Variants in NFKB1 observed in about 807,000 individuals in gnomAD.
The protein encoded by NFKB1 is nuclear factor NF-kappa-B p105 subunit.
NFKB1 carries 9 observed loss-of-function variants against 105.1 expected under a neutral mutation model. The observed-to-expected ratio is 0.09, with a 90% CI of 0.05 to 0.15. NFKB1 has a LOEUF of 0.15. Among genes scored for constraint, NFKB1 ranks in the 10% least tolerant of loss-of-function variants. The pLI is 1.00. For missense variants in NFKB1, 830 were observed against 1,203.7 expected, an observed-to-expected ratio of 0.69 and a Z score of 4.59; for synonymous variants, 440 against 442.2, an observed-to-expected ratio of 1.00 and a Z score of 0.06.
chr4:102,508,114 T>C (rs543888096), intron 1 of NFKB1, among the ~76,000 whole-genome samples: 1 of 152,360 alleles, frequency 6.6e-6, no homozygotes, highest in South Asian at 2.1e-4. Context: ...TTGAAGAACC[T>C]CTTTGTCTAC....
intron 15 of NFKB1, among the ~76,000 whole-genome samples, chr4:102,599,475 T>C (rs139907773): frequency 1.4e-3 from 214 of 152,336 alleles, no homozygotes; most frequent in African/African-American, 4.8e-3. Context: ...ATCCAGCCTG[T>C]ACCTCGTGTC....
intron 23 of NFKB1, 98 bp from the exon 24 acceptor site, chr4:102,616,336 C>G: frequency 7.4e-7 from 1 of 1,350,456 alleles, no homozygotes; most frequent in Non-Finnish European, 1.0e-6. Context: ...GGATGTGTGG[C>G]TGGCAGAAGC....
At chr4:102,511,813 C>T (rs1040493617) in intron 1 of NFKB1, among the ~76,000 whole-genome samples, 9 of 152,174 alleles carry the variant, frequency 5.9e-5, no homozygotes, top group Non-Finnish European at 1.3e-4. Flanking sequence ...ACACGTTTAA[C>T]CTAGTGGGTG....
chr4:102,551,971 G>C (rs1466775167), intron 5 of NFKB1, among the ~76,000 whole-genome samples: 9 of 152,204 alleles, frequency 5.9e-5, no homozygotes, highest in Admixed American at 5.9e-4. Flanking sequence ...AGAGATCTAG[G>C]AGTTTTAGTT....
In NFKB1 at chr4:102,536,131, A is replaced by G. The variant is rs530039626; in HGVS notation, c.160-1727A>G. On this transcript the variant is annotated intron_variant, in intron 4 of 23. Transcript: ENST00000226574. Reference sequence around the variant, plus strand: ...TTATGGTTAGCTAATTCTGCAGGCTATTATACATGTGTTGTTTTTTTCATG... The same window carrying G: ...TTATGGTTAGCTAATTCTGCAGGCTGTTATACATGTGTTGTTTTTTTCATG... Among the ~76,000 whole-genome samples the G allele has an allele frequency of 2.9e-4, 44 of 152,288 alleles. No individual in the cohort carries two copies. In the South Asian group the frequency reaches 6.4e-3, roughly 22 times the overall value.
intron 1 of NFKB1, 68 bp from the exon 2 acceptor site, chr4:102,525,444 C>T: frequency 6.9e-7 from 1 of 1,451,484 alleles, no homozygotes; most frequent in Non-Finnish European, 9.6e-7. Flanking sequence ...GCATGAATTC[C>T]ATGGTGATAG....
At chr4:102,599,311 A>T (rs924428552) in intron 15 of NFKB1, among the ~76,000 whole-genome samples, 1 of 152,188 alleles carries the variant, frequency 6.6e-6, no homozygotes, top group African/African-American at 2.4e-5. Flanking sequence ...TGAAACCCTG[A>T]GATCATCCGT....
chr4:102,600,797 T>G, intron 15 of NFKB1, 98 bp from the exon 16 acceptor site: 1 of 770,286 alleles, frequency 1.3e-6, no homozygotes, highest in South Asian at 1.5e-5. Flanking sequence ...AAACTAGGTA[T>G]GAGAGCAGAT....
chr4:102,554,918 A>G (rs971507987), intron 5 of NFKB1, among the ~76,000 whole-genome samples: 1 of 152,178 alleles, frequency 6.6e-6, no homozygotes, highest in Non-Finnish European at 1.5e-5. Flanking sequence ...AACATTTAAG[A>G]TGTTTTAGCA....
intron 6 of NFKB1, among the ~76,000 whole-genome samples, chr4:102,574,125 C>CTTTTTT (rs56977004): frequency 9.2e-4 from 86 of 93,142 alleles, no homozygotes; most frequent in African/African-American, 1.1e-3. Context: ...TCTTGGATTC[C>CTTTTTT]TTTTTTTTTT....
chr4:102,514,508 A>C (rs547365021), intron 1 of NFKB1, among the ~76,000 whole-genome samples: 1 of 152,198 alleles, frequency 6.6e-6, no homozygotes, highest in East Asian at 1.9e-4. Context: ...CCCTCACCAG[A>C]TACCAAATGC....
chr4:102,589,304 G>A (rs899792006), intron 11 of NFKB1, among the ~76,000 whole-genome samples: 11 of 152,156 alleles, frequency 7.2e-5, no homozygotes, highest in African/African-American at 2.7e-4. Flanking sequence ...TGTTTCATAT[G>A]TCTGCAGTGA....
At chr4:102,573,883 G>A (rs1724591132) in intron 6 of NFKB1, among the ~76,000 whole-genome samples, 2 of 150,458 alleles carry the variant, frequency 1.3e-5, no homozygotes, top group South Asian at 4.2e-4. Flanking sequence ...ATTTGTTTGG[G>A]GTCTTTTTTT....
At chr4:102,578,610 G>C (rs1005806680) in intron 7 of NFKB1, 7 of 484,700 alleles carry the variant, frequency 1.4e-5, no homozygotes, top group African/African-American at 9.7e-5. Context: ...AGGGAAAGGT[G>C]GGGGAAGGAC....
chr4:102,586,678 A>G (rs1725736512), intron 11 of NFKB1, among the ~76,000 whole-genome samples: 1 of 152,212 alleles, frequency 6.6e-6, no homozygotes, highest in Non-Finnish European at 1.5e-5. Flanking sequence ...GAAGAGATCC[A>G]TAGAGTTCAC....
At chr4:102,515,506 C>G (rs1167608499) in intron 1 of NFKB1, among the ~76,000 whole-genome samples, 1 of 151,838 alleles carries the variant, frequency 6.6e-6, no homozygotes, top group African/African-American at 2.4e-5. Flanking sequence ...TTTTTTTCTC[C>G]TTTCCTGCCA....
chr4:102,598,861 G>T (rs536705052), intron 15 of NFKB1, among the ~76,000 whole-genome samples: 5 of 152,284 alleles, frequency 3.3e-5, no homozygotes, highest in African/African-American at 4.8e-5. Context: ...GCACATGCAA[G>T]TTCCCTCCTA....
chr4:102,504,650 T>C (rs1206626458), intron 1 of NFKB1, among the ~76,000 whole-genome samples: 1 of 152,182 alleles, frequency 6.6e-6, no homozygotes, highest in Non-Finnish European at 1.5e-5. Flanking sequence ...ACTCTGCTTT[T>C]TGGGAATTAG....
At chr4:102,592,599 A>G (rs1379829434) in intron 11 of NFKB1, among the ~76,000 whole-genome samples, 1 of 152,222 alleles carries the variant, frequency 6.6e-6, no homozygotes, top group Non-Finnish European at 1.5e-5. Flanking sequence ...TTGCACACTT[A>G]ATAGCCTATA....
Sources: gnomAD v4.1 joint callset for allele counts (sites outside exome capture counted in the v4.1 genomes callset) on GRCh38, gnomAD v4.1.1 for gene constraint, MANE v1.5 for transcripts, NCBI Gene and HGNC (gene_info 2026-07-23, HGNC 2026-07-21) for gene names.